Variants in MAP3K2 observed in about 807,000 individuals in gnomAD.
MAP3K2 encodes mitogen-activated protein kinase kinase kinase 2, also known as MAP/ERK kinase kinase 2.
A neutral mutation model predicts 80.3 loss-of-function variants in MAP3K2; 24 were observed. That is an observed-to-expected ratio of 0.30 (90% CI 0.22 to 0.42). The LOEUF (loss-of-function observed/expected upper bound fraction) is 0.42, where lower values mean the gene tolerates loss of function less well. Among genes scored for constraint, MAP3K2 ranks in the 10% least tolerant of loss-of-function variants. The pLI is 1.00. For synonymous variants in MAP3K2, 244 were observed against 253.7 expected (o/e 0.96, Z 0.36); for missense variants, 608 against 750.1 (o/e 0.81, Z 2.21).
rs1242164962 is a variant in MAP3K2 at position 127,303,288 on chromosome 2, C to A, written c.*4291G>T. The A allele has an allele frequency of 6.8e-6, 1 of 147,568 alleles. No homozygotes were observed. Among genetic ancestry groups the A allele is most frequent in the African/African-American group, 2.5e-5 (1 of 39,944 alleles). The allele number at this position is 147,568 out of a possible 1,614,324, so 9.1% of individuals were successfully genotyped here. On this transcript the variant is annotated 3_prime_UTR_variant, in exon 17 of 17. Transcript: ENST00000682094. ...GTTTTGGGTATTTTCACAATTTAGACCAAAATAAAGTATGTTTTCTTTAAA... is the reference window on the plus strand; with the variant it reads ...GTTTTGGGTATTTTCACAATTTAGAACAAAATAAAGTATGTTTTCTTTAAA...
chr2:127,315,536 T>C (rs1165411633), intron 14 of MAP3K2, among the ~76,000 whole-genome samples: 1 of 152,208 alleles, frequency 6.6e-6, no homozygotes, highest in Non-Finnish European at 1.5e-5. Flanking sequence ...GGACCCAAAT[T>C]TGCAAACACA....
intron 1 of MAP3K2, among the ~76,000 whole-genome samples, chr2:127,369,468 T>TAAAAAAAAAA (rs70985451): frequency 3.1e-5 from 1 of 32,728 alleles, no homozygotes. Context: ...CCGTCTCTAC[T>TAAAAAAAAAA]AAAAAAAAAA....
Position 127,322,086 on chromosome 2 carries a change from A to C in MAP3K2, c.1005T>G (p.Asn335Lys). The C allele has an allele frequency of 6.2e-7, 1 of 1,613,720 alleles. No individual in the cohort carries two copies. The highest frequency in any genetic ancestry group is 8.5e-7 in the Non-Finnish European group (1 of 1,179,818). Residue 335 changes from asparagine (N) to lysine (K), a missense_variant, in exon 12 of 17, where the codon AAT becomes AAG. By Grantham distance (94) the Asn-to-Lys change is moderately conservative (BLOSUM62 0). Around this residue, in one of 4 missense-constraint regions of MAP3K2, gnomAD observed 467 missense variants for 521.9 expected, o/e 0.89. Coordinates refer to ENST00000682094, the MANE Select transcript of MAP3K2 (RefSeq NM_001371910.2). The surrounding 1 kb of genome is among the most constrained non-coding windows in gnomAD (Gnocchi z 4.2). ...RIRRRGSDIDNPTLTVMDISP... is the reference protein window; with the variant it reads ...RIRRRGSDIDKPTLTVMDISP... ...TGATGTCCATTACGGTCAAAGTAGGATTGTCTATGTCACTTCCCCTTCTTC... is the reference window on the plus strand; with the variant it reads ...TGATGTCCATTACGGTCAAAGTAGGCTTGTCTATGTCACTTCCCCTTCTTC...
At chr2:127,380,689 T>C (rs1181177272) in intron 1 of MAP3K2, among the ~76,000 whole-genome samples, 31 of 152,132 alleles carry the variant, frequency 2.0e-4, no homozygotes, top group Non-Finnish European at 4.4e-5. Flanking sequence ...ACAAGAAATA[T>C]TACAAAGCAA....
intron 15 of MAP3K2, among the ~76,000 whole-genome samples, chr2:127,309,751 C>T (rs1056850190): frequency 5.9e-5 from 9 of 152,036 alleles, no homozygotes; most frequent in African/African-American, 1.4e-4. Flanking sequence ...GTTCTCATAA[C>T]GGGGGTTGTA....
intron 1 of MAP3K2, among the ~76,000 whole-genome samples, chr2:127,387,200 G>A (rs534525443): frequency 6.6e-6 from 1 of 152,212 alleles, no homozygotes; most frequent in South Asian, 2.1e-4. Flanking sequence ...TCTCTGCAGG[G>A]TACGTGTCTG....
At chr2:127,326,868 T>C (rs1260024571) in intron 7 of MAP3K2, 51 bp from the exon 8 acceptor site, 10 of 1,307,218 alleles carry the variant, frequency 7.6e-6, no homozygotes, top group Non-Finnish European at 1.0e-5. Context: ...GGGAATCAAG[T>C]TTTGTTTTAA....
chr2:127,355,746 C>T (rs1686786045), intron 1 of MAP3K2, among the ~76,000 whole-genome samples: 1 of 152,062 alleles, frequency 6.6e-6, no homozygotes, highest in Admixed American at 6.5e-5. Context: ...TCAATTGACT[C>T]TTCCTTTCAT....
Position 127,307,654 on chromosome 2 carries a change from T to C in MAP3K2, c.1785A>G (p.Lys595=). The change falls in exon 17 of 17, where the codon AAA becomes AAG. Residue 595 remains lysine (K), a synonymous_variant. Coordinates refer to ENST00000682094, the MANE Select transcript of MAP3K2 (RefSeq NM_001371910.2). The surrounding 1 kb of genome is among the most constrained non-coding windows in gnomAD (Gnocchi z 5.4). ...TCAGTTTGGCCTCTACAAAAATCCG[T>C]TTGAGGAAATCTCGAGTATAGTCTG... is the stretch of plus-strand genomic sequence containing the variant. ...HVSDYTRDFL[K]RIFVEAKLRP... is the part of the protein sequence containing the mutation. 6.3e-7 allele frequency: 1 copy of C among 1,591,400 alleles called. No individual in the cohort carries two copies. Among genetic ancestry groups the C allele is most frequent in the Non-Finnish European group, 8.6e-7 (1 of 1,168,198 alleles).
rs1480539438 is a variant in MAP3K2 at position 127,321,618 on chromosome 2, C to G, written c.1045+428G>C. ...CACATCAGCCAAAAATTGAACTATT[C>G]CCCATTTTTAGATGATGTTATGGCC... On this transcript the variant is annotated intron_variant, in intron 12 of 16. Coordinates refer to ENST00000682094, the MANE Select transcript of MAP3K2 (RefSeq NM_001371910.2). This position sits in a 1 kb window ranked among gnomAD's most constrained non-coding sequence, Gnocchi z 4.4. Among the ~76,000 whole-genome samples the G allele has an allele frequency of 1.3e-5, 2 of 152,188 alleles. No individual in the cohort carries two copies. Among genetic ancestry groups the G allele is most frequent in the Non-Finnish European group, 2.9e-5 (2 of 68,026 alleles).
At chr2:127,374,032 T>C (rs1181125531) in intron 1 of MAP3K2, among the ~76,000 whole-genome samples, 1 of 152,218 alleles carries the variant, frequency 6.6e-6, no homozygotes, top group Non-Finnish European at 1.5e-5. Context: ...CCTAATGCTT[T>C]AACATTGTTT....
Position 127,326,747 on chromosome 2 carries a change from C to A in MAP3K2, c.537G>T (p.Arg179=). 6.2e-7 allele frequency: 1 copy of A among 1,608,216 alleles called. No individual in the cohort carries two copies. Among genetic ancestry groups the A allele is most frequent in the African/African-American group, 1.3e-5 (1 of 74,902 alleles). ...YIPDELHQVA[R]NGSFTSINSE... ...TGTTGATACTAGTGAATGACCCATT[C>A]CGGGCAACCTGGTGTAATTCATCTG... Residue 179 remains arginine, a synonymous_variant, in exon 8 of 17, where the codon CGG becomes CGT. Coordinates refer to ENST00000682094, the MANE Select transcript of MAP3K2 (RefSeq NM_001371910.2).
At chr2:127,376,430 G>A (rs538431088) in intron 1 of MAP3K2, among the ~76,000 whole-genome samples, 3 of 152,282 alleles carry the variant, frequency 2.0e-5, no homozygotes, top group East Asian at 1.9e-4. Flanking sequence ...TGTCAGGGCC[G>A]CAGCTGCTGA....
At chr2:127,369,349 T>C (rs1199252999) in intron 1 of MAP3K2, among the ~76,000 whole-genome samples, 1 of 148,648 alleles carries the variant, frequency 6.7e-6, no homozygotes, top group Non-Finnish European at 1.5e-5. Flanking sequence ...CAGCAAATAA[T>C]AGGCTGGGCG....
chr2:127,366,866 GTTTTTTT>G (rs367670762), intron 1 of MAP3K2, among the ~76,000 whole-genome samples: 2,030 of 85,166 alleles, frequency 0.024, 45 homozygotes, highest in African/African-American at 0.08. Context: ...ACAGTCAAGG[GTTTTTTT>G]TTTTTTTTTT....
chr2:127,332,524 C>A (rs1162723161), intron 5 of MAP3K2, among the ~76,000 whole-genome samples: 3 of 152,212 alleles, frequency 2.0e-5, no homozygotes, highest in African/African-American at 7.2e-5. Flanking sequence ...CTAATGTGAT[C>A]CTGCCTGTGT....
At chr2:127,367,070 T>C (rs936763083) in intron 1 of MAP3K2, among the ~76,000 whole-genome samples, 1 of 151,942 alleles carries the variant, frequency 6.6e-6, no homozygotes, top group East Asian at 1.9e-4. Context: ...CATTACATGA[T>C]CTCAGAACAC....
intron 1 of MAP3K2, among the ~76,000 whole-genome samples, chr2:127,346,032 A>G (rs13428942): frequency 0.09 from 13,622 of 152,016 alleles, 796 homozygotes; most frequent in African/African-American, 0.17. Context: ...TAAAAAAAAA[A>G]TCAAGAAAAC....
Position 127,322,129 on chromosome 2 carries a change from T to C in MAP3K2, c.962A>G (p.Tyr321Cys), listed in dbSNP as rs375320804. The C allele has an allele frequency of 2.0e-4, 321 of 1,613,820 alleles. No individual in the cohort carries two copies. The highest frequency in any genetic ancestry group is 2.5e-4 in the Non-Finnish European group (297 of 1,179,850). ...CCTTCTTCTTATTCGACTATCATCA[T>C]ACTCTGGGGTAAAGATACTGCTTCC... is the stretch of plus-strand genomic sequence containing the variant. ...SSGSSIFTPE[Y>C]DDSRIRRRGS... Residue 321 changes from tyrosine (Y) to cysteine (C), a missense_variant, in exon 12 of 17, where the codon TAT becomes TGT. By Grantham distance (194) the Tyr-to-Cys change is radical. Around this residue, in one of 4 missense-constraint regions of MAP3K2, gnomAD observed 467 missense variants for 521.9 expected, o/e 0.89. Transcript: ENST00000682094. This position sits in a 1 kb window ranked among gnomAD's most constrained non-coding sequence, Gnocchi z 4.2.
Sources: allele counts gnomAD v4.1 joint callset (sites outside exome capture counted in the v4.1 genomes callset), GRCh38; gene constraint gnomAD v4.1.1; regional missense constraint gnomAD v4.1.1; non-coding constraint Gnocchi (gnomAD v3.1); transcripts MANE v1.5; gene names NCBI Gene and HGNC (gene_info 2026-07-23, HGNC 2026-07-21).